Variants in CPNE4 observed in about 807,000 individuals in gnomAD.
The protein encoded by CPNE4 is copine 4.
In CPNE4, 25 loss-of-function variants were observed where a neutral mutation model predicts 67.9. The ratio of observed to expected loss-of-function variants is 0.37; its 90% CI spans 0.27 to 0.51. CPNE4 has a LOEUF of 0.51. CPNE4 is among the 20% of genes least tolerant of loss of function. The pLI is 0.93. For missense variants in CPNE4, 464 were observed against 690.8 expected (o/e 0.67, Z 3.68); for synonymous variants, 242 against 244.9 (o/e 0.99, Z 0.11).
chr3:131,558,515 G>C (rs1936588534), intron 11 of CPNE4, among the ~76,000 whole-genome samples: 1 of 151,658 alleles, frequency 6.6e-6, no homozygotes, highest in Non-Finnish European at 1.5e-5. Context: ...CTTATAACCA[G>C]AATAAAATAG....
intron 7 of CPNE4, among the ~76,000 whole-genome samples, chr3:131,631,969 C>T (rs1410623814): frequency 6.6e-6 from 1 of 150,994 alleles, no homozygotes; most frequent in East Asian, 2.0e-4. Context: ...CCTGTAGTCC[C>T]AGCTTCTCGG....
intron 2 of CPNE4, among the ~76,000 whole-genome samples, chr3:131,784,163 T>A (rs1210293916): frequency 6.6e-6 from 1 of 152,090 alleles, no homozygotes; most frequent in African/African-American, 2.4e-5. Context: ...TCCACCTGTC[T>A]GACCAATGAT....
chr3:131,578,745 C>G (rs1232733053), intron 9 of CPNE4, among the ~76,000 whole-genome samples: 1 of 152,114 alleles, frequency 6.6e-6, no homozygotes, highest in Non-Finnish European at 1.5e-5. Flanking sequence ...ATACAACATT[C>G]CCTTAAGCTA....
At chr3:131,962,689 G>A (rs537845142) in intron 1 of CPNE4, among the ~76,000 whole-genome samples, 4 of 151,926 alleles carry the variant, frequency 2.6e-5, no homozygotes, top group African/African-American at 9.7e-5. Context: ...ACAAATAGAT[G>A]GACTTCCAGT....
intron 7 of CPNE4, among the ~76,000 whole-genome samples, chr3:131,648,380 AATAC>A (rs1449020918): frequency 6.6e-6 from 1 of 152,198 alleles, no homozygotes; most frequent in Non-Finnish European, 1.5e-5. Context: ...CTCAAAATTA[AATAC>A]ATAAATAAAT....
At chr3:131,538,504 C>T (rs1414854089) in intron 15 of CPNE4, among the ~76,000 whole-genome samples, 1 of 152,162 alleles carries the variant, frequency 6.6e-6, no homozygotes, top group Non-Finnish European at 1.5e-5. Flanking sequence ...TATTAACCAC[C>T]TACATGGACC....
At chr3:131,717,868 T>TCCTCCCTCCCTC (rs1382811352) in intron 3 of CPNE4, among the ~76,000 whole-genome samples, 1,853 of 40,752 alleles carry the variant, frequency 0.045, 23 homozygotes, top group Admixed American at 0.068. Flanking sequence ...CTCCTTTCTT[T>TCCTCCCTCCCTC]CTTTCTTTTC....
intron 2 of CPNE4, among the ~76,000 whole-genome samples, chr3:131,769,574 G>A (rs963391404): frequency 5.3e-5 from 8 of 152,124 alleles, no homozygotes; most frequent in Admixed American, 1.3e-4. Flanking sequence ...TATAGGAGGC[G>A]AGGATAAAAT....
At position 131,908,705 on chromosome 3, in the gene CPNE4, G is replaced by A. The variant is rs117956897; in HGVS notation, c.-1-3261C>T. On this transcript the variant is annotated intron_variant, in intron 1 of 15. Coordinates refer to ENST00000429747, the MANE Select transcript of CPNE4 (RefSeq NM_130808.3). ...GTACATAAAATACTATGCAAGCTACGATAGAATGGGACATCTCTAATATCA... is the reference window on the plus strand; with the variant it reads ...GTACATAAAATACTATGCAAGCTACAATAGAATGGGACATCTCTAATATCA... Among the ~76,000 whole-genome samples, 36 of 152,166 alleles carry A rather than the reference G, an allele frequency of 2.4e-4. No individual in the cohort carries two copies. The East Asian group carries it at 4.3e-3, about 18-fold the overall frequency.
intron 2 of CPNE4, among the ~76,000 whole-genome samples, chr3:131,901,672 G>A (rs2088556160): frequency 6.6e-6 from 1 of 151,978 alleles, no homozygotes; most frequent in Non-Finnish European, 1.5e-5. Context: ...AGGCAGGGCT[G>A]GAAATGTTGC....
At chr3:131,717,938 C>CTT (rs1301445387) in intron 3 of CPNE4, among the ~76,000 whole-genome samples, 4 of 129,664 alleles carry the variant, frequency 3.1e-5, no homozygotes, top group African/African-American at 5.7e-5. Context: ...TTCTTTCTTT[C>CTT]TTTCTTTTCT....
At chr3:131,600,038 T>G (rs547366760) in intron 7 of CPNE4, among the ~76,000 whole-genome samples, 1 of 152,266 alleles carries the variant, frequency 6.6e-6, no homozygotes, top group East Asian at 1.9e-4. Context: ...TATATCTCTA[T>G]GCAGTTGGGT....
intron 7 of CPNE4, among the ~76,000 whole-genome samples, chr3:131,669,115 G>A (rs139706472): frequency 2.0e-5 from 3 of 152,096 alleles, no homozygotes; most frequent in African/African-American, 7.2e-5. Flanking sequence ...GCCTGGGGAT[G>A]ATGAGAGCCA....
intron 2 of CPNE4, among the ~76,000 whole-genome samples, chr3:131,858,041 T>C (rs1484642803): frequency 6.6e-6 from 1 of 152,148 alleles, no homozygotes; most frequent in African/African-American, 2.4e-5. Flanking sequence ...TATATTTCTT[T>C]AGAGATTTTT....
At chr3:131,858,995 T>C (rs1406259311) in intron 2 of CPNE4, among the ~76,000 whole-genome samples, 1 of 152,156 alleles carries the variant, frequency 6.6e-6, no homozygotes, top group East Asian at 1.9e-4. Flanking sequence ...CTATTTGTAT[T>C]AAAGTTGAGA....
chr3:131,876,651 A>AAAAAAAAAAG (rs2087469106), intron 2 of CPNE4, among the ~76,000 whole-genome samples: 1 of 149,172 alleles, frequency 6.7e-6, no homozygotes, highest in Admixed American at 6.8e-5. Flanking sequence ...CAAAAAAAAA[A>AAAAAAAAAAG]AAAAAGAAAG....
chr3:131,956,104 A>ATT (rs77660489), intron 1 of CPNE4, among the ~76,000 whole-genome samples: 3 of 151,844 alleles, frequency 2.0e-5, no homozygotes, highest in Non-Finnish European at 4.4e-5. Context: ...AAAACACTAG[A>ATT]TTTTTTATAT....
rs765317523 is a variant in CPNE4 at position 131,882,073 on chromosome 3, A to G, written c.180+23191T>C. 7.2e-4 allele frequency among the ~76,000 whole-genome samples: 109 copies of G among 152,234 alleles called. 1 individual carries two copies. Among genetic ancestry groups the G allele is most frequent in the Non-Finnish European group, 1.5e-3 (100 of 68,000 alleles). ...CTTTAAATAAGGCACAGCACCAAGT[A>G]CAGCGATCCTTCAGAATTAACACTG... On this transcript the variant is annotated intron_variant, in intron 2 of 15. Coordinates refer to ENST00000429747, the MANE Select transcript of CPNE4 (RefSeq NM_130808.3).
intron 14 of CPNE4, among the ~76,000 whole-genome samples, chr3:131,545,392 T>C (rs1202663957): frequency 1.3e-5 from 2 of 152,222 alleles, no homozygotes; most frequent in Non-Finnish European, 2.9e-5. Context: ...TTTAAGGCAG[T>C]CTGTAAACTT....
Sources: gnomAD v4.1 joint callset for allele counts (sites outside exome capture counted in the v4.1 genomes callset) on GRCh38, gnomAD v4.1.1 for gene constraint, MANE v1.5 for transcripts, NCBI Gene and HGNC (gene_info 2026-07-23, HGNC 2026-07-21) for gene names.